ZNF423: variants seen among roughly 807,000 people sequenced by gnomAD.
The protein encoded by ZNF423 is zinc finger protein 423, also known as Ebf-associated zinc finger protein.
ZNF423 carries 12 observed loss-of-function variants against 95.8 expected under a neutral mutation model. The observed-to-expected ratio is 0.13, with a 90% CI of 0.08 to 0.20. The LOEUF is 0.20. ZNF423 is among the 10% of genes least tolerant of loss of function. ZNF423 has a pLI of 1.00. For synonymous variants in ZNF423, 749 were observed against 711.9 expected (o/e 1.05, Z -0.83); for missense variants, 1,316 against 1,737.1 (o/e 0.76, Z 4.31).
chr16:49,567,918 T>C (rs1343104892), intron 5 of ZNF423, among the ~76,000 whole-genome samples: 1 of 152,188 alleles, frequency 6.6e-6, no homozygotes, highest in Non-Finnish European at 1.5e-5. Flanking sequence ...GAAGTGGACC[T>C]TGTTTTTATT....
intron 2 of ZNF423, among the ~76,000 whole-genome samples, chr16:49,777,772 A>T (rs1297524943): frequency 1.3e-5 from 2 of 152,212 alleles, no homozygotes; most frequent in Non-Finnish European, 2.9e-5. Flanking sequence ...CATCTGTGAG[A>T]CGGGAATGCT....
intron 2 of ZNF423, among the ~76,000 whole-genome samples, chr16:49,779,959 A>G (rs2034183276): frequency 6.6e-6 from 1 of 152,208 alleles, no homozygotes. Flanking sequence ...ACTGCGCTGC[A>G]AAATCTCAAT....
intron 5 of ZNF423, among the ~76,000 whole-genome samples, chr16:49,556,187 C>T (rs1228321393): frequency 6.6e-6 from 1 of 152,228 alleles, no homozygotes; most frequent in Non-Finnish European, 1.5e-5. Context: ...TAAAGGCAAG[C>T]CACATACAGA....
intron 5 of ZNF423, among the ~76,000 whole-genome samples, chr16:49,625,729 T>C (rs1045432040): frequency 6.6e-6 from 1 of 152,206 alleles, no homozygotes; most frequent in Non-Finnish European, 1.5e-5. Context: ...CCAAAACCAC[T>C]TGAAGAGGAA....
chr16:49,753,987 C>T (rs539000273), intron 2 of ZNF423, among the ~76,000 whole-genome samples: 18 of 150,560 alleles, frequency 1.2e-4, no homozygotes, highest in African/African-American at 3.4e-4. Context: ...GCTGAGATTG[C>T]GCCACTACAC....
intron 1 of ZNF423, among the ~76,000 whole-genome samples, chr16:49,798,366 G>T (rs1458595281): frequency 9.9e-5 from 15 of 152,144 alleles, no homozygotes; most frequent in Admixed American, 8.5e-4. Flanking sequence ...AAATTAGCTG[G>T]GTGTGATGAT....
chr16:49,596,494 G>A (rs1971182112), intron 5 of ZNF423, among the ~76,000 whole-genome samples: 1 of 152,150 alleles, frequency 6.6e-6, no homozygotes, highest in South Asian at 2.1e-4. Context: ...TGCAAATCTT[G>A]CTGTAAATAT....
intron 3 of ZNF423, among the ~76,000 whole-genome samples, chr16:49,690,650 G>A (rs2031742260): frequency 6.6e-6 from 1 of 152,328 alleles, no homozygotes; most frequent in Middle Eastern, 3.4e-3. Flanking sequence ...CTGACCAGAG[G>A]GGTTCTGGAG....
intron 2 of ZNF423, among the ~76,000 whole-genome samples, chr16:49,784,152 T>C (rs2034271255): frequency 6.6e-6 from 1 of 152,090 alleles, no homozygotes; most frequent in Non-Finnish European, 1.5e-5. Flanking sequence ...TGGTGGCTCC[T>C]CCAAAGGTTA....
chr16:49,511,252 C>G (rs1396076524), intron 7 of ZNF423, among the ~76,000 whole-genome samples: 1 of 152,170 alleles, frequency 6.6e-6, no homozygotes, highest in Admixed American at 6.5e-5. Flanking sequence ...TATCATGCCC[C>G]GGGAGCTGCA....
At position 49,735,525 on chromosome 16, in the gene ZNF423, G is replaced by A. The variant is rs538263119; in HGVS notation, c.101-4554C>T. On this transcript the variant is annotated intron_variant, in intron 2 of 7. Coordinates refer to ENST00000563137, the MANE Select transcript of ZNF423 (RefSeq NM_001379286.1). ...GACTCCCTCATCATAACGAGGGACC[G>A]AATTCTCCTCCACAGTCCCCCTCGG... is the stretch of plus-strand genomic sequence containing the variant. 1.5e-4 allele frequency among the ~76,000 whole-genome samples: 23 copies of A among 152,286 alleles called. No homozygotes were observed. The South Asian group carries it at 3.3e-3, about 22-fold the overall frequency.
chr16:49,696,567 C>T (rs1459419644), intron 3 of ZNF423, among the ~76,000 whole-genome samples: 1 of 152,184 alleles, frequency 6.6e-6, no homozygotes, highest in Non-Finnish European at 1.5e-5. Context: ...TGGCCTCTCC[C>T]CTAGCCCCTT....
At chr16:49,815,301 A>G (rs531510608) in intron 1 of ZNF423, among the ~76,000 whole-genome samples, 1 of 152,166 alleles carries the variant, frequency 6.6e-6, no homozygotes, top group South Asian at 2.1e-4. Context: ...GCAGCCCCCT[A>G]AGCAGCAGCT....
chr16:49,763,980 A>G (rs2033879466), intron 2 of ZNF423, among the ~76,000 whole-genome samples: 1 of 152,196 alleles, frequency 6.6e-6, no homozygotes, highest in African/African-American at 2.4e-5. Flanking sequence ...TTGTGCAGAA[A>G]GTCTCACGGC....
At chr16:49,558,333 C>G (rs1969904979) in intron 5 of ZNF423, among the ~76,000 whole-genome samples, 1 of 152,154 alleles carries the variant, frequency 6.6e-6, no homozygotes, top group East Asian at 1.9e-4. Flanking sequence ...CACACAAGCA[C>G]CCCAGGAGCA....
rs78637869 is a variant in ZNF423, at chr16:49,555,093, T to C, written c.3602-29599A>G. 3.6e-4 allele frequency among the ~76,000 whole-genome samples: 55 copies of C among 152,184 alleles called. 2 individuals carry two copies. The East Asian group carries it at 0.01, about 29-fold the overall frequency. On this transcript the variant is annotated intron_variant, in intron 5 of 7. Coordinates refer to ENST00000563137, the MANE Select transcript of ZNF423 (RefSeq NM_001379286.1). ...TTCATAATTAAATGTTAAAAAAAAA[T>C]TAAGAGACCTCATGGACACATATTA...
rs1968567541 is a variant in ZNF423 at position 49,525,493 on chromosome 16, C to T, written c.3603G>A (p.Glu1201=). ...IQIHVANHMI[E]EGINHECKLC... is the part of the protein sequence containing the mutation. ...GCTTACACTCGTGGTTGATGCCTTC[C>T]TCTGCAAGGAAAACCCGTGACCAGT... is the stretch of plus-strand genomic sequence containing the variant. The change falls in exon 6 of 8, where the codon GAG becomes GAA. Residue 1201 remains glutamate, a splice_region_variant and synonymous_variant. Transcript: ENST00000563137. 6.2e-7 allele frequency: 1 copy of T among 1,614,038 alleles called. No individual in the cohort carries two copies. The highest frequency in any genetic ancestry group is 8.5e-7 in the Non-Finnish European group (1 of 1,179,980).
At chr16:49,521,119 C>T (rs558279318) in intron 7 of ZNF423, among the ~76,000 whole-genome samples, 3 of 152,292 alleles carry the variant, frequency 2.0e-5, no homozygotes, top group Non-Finnish European at 4.4e-5. Flanking sequence ...AGCCTCCCTC[C>T]ACCTCTGCAC....
chr16:49,819,269 AT>A (rs2034904070), intron 1 of ZNF423, among the ~76,000 whole-genome samples: 1 of 150,900 alleles, frequency 6.6e-6, no homozygotes, highest in Non-Finnish European at 1.5e-5. Context: ...AAAAAAAAAA[AT>A]GGCAGTTCCT....
Sources: allele counts gnomAD v4.1 joint callset (sites outside exome capture counted in the v4.1 genomes callset), GRCh38; gene constraint gnomAD v4.1.1; transcripts MANE v1.5; gene names NCBI Gene and HGNC (gene_info 2026-07-23, HGNC 2026-07-21).